Variants in KIF6 observed in about 807,000 individuals in gnomAD.
KIF6 encodes the protein kinesin family member 6.
KIF6 carries 106 observed loss-of-function variants against 112.7 expected under a neutral mutation model. The observed-to-expected ratio is 0.94, with a 90% CI of 0.80 to 1.11. The LOEUF (loss-of-function observed/expected upper bound fraction) is 1.11. KIF6 is among the 50% of genes least tolerant of loss of function. KIF6 has a pLI of 0.00. For synonymous variants in KIF6, 339 were observed against 339.9 expected (o/e 1.00, Z 0.03); for missense variants, 929 against 964.0 (o/e 0.96, Z 0.48).
intron 3 of KIF6, among the ~76,000 whole-genome samples, chr6:39,675,800 A>G (rs1050137001): frequency 1.3e-5 from 2 of 152,060 alleles, no homozygotes; most frequent in Non-Finnish European, 2.9e-5. Flanking sequence ...ACCAAGTAGA[A>G]CTTCTAAAAA....
At chr6:39,614,570 C>T (rs1250334891) in intron 5 of KIF6, among the ~76,000 whole-genome samples, 1 of 152,130 alleles carries the variant, frequency 6.6e-6, no homozygotes. Context: ...GAAAATGTAG[C>T]TCTACCAGCA....
chr6:39,628,703 T>C (rs1034254327), intron 5 of KIF6, among the ~76,000 whole-genome samples: 51 of 152,288 alleles, frequency 3.3e-4, no homozygotes, highest in African/African-American at 1.1e-3. Context: ...ATAGTTTACA[T>C]CAGGGTTCAT....
At chr6:39,363,057 G>A (rs932408414) in intron 16 of KIF6, among the ~76,000 whole-genome samples, 1 of 152,206 alleles carries the variant, frequency 6.6e-6, no homozygotes, top group African/African-American at 2.4e-5. Context: ...GCTGAGGCAG[G>A]AGAATTGCTT....
At chr6:39,520,983 A>G (rs1253934719) in intron 13 of KIF6, among the ~76,000 whole-genome samples, 1 of 152,230 alleles carries the variant, frequency 6.6e-6, no homozygotes, top group Non-Finnish European at 1.5e-5. Flanking sequence ...AAACAAAGGC[A>G]GAGTTCATCT....
Position 39,596,225 on chromosome 6 carries a change from G to A in KIF6, c.675C>T (p.Cys225=), listed in dbSNP as rs779765167. 1 of 1,613,994 alleles carries A rather than the reference G, an allele frequency of 6.2e-7. No individual in the cohort carries two copies. The highest frequency in any genetic ancestry group is 8.5e-7 in the Non-Finnish European group (1 of 1,179,928). The change falls in exon 7 of 23, where the codon TGC becomes TGT. Residue 225 remains cysteine, a synonymous_variant. Transcript: ENST00000287152. ...TGCTTGACAAATGAATGGTGAAAAT[G>A]CAGTGGGAACGGGTTGAAGCTTGGT... ...PMNQASTRSH[C]IFTIHLSSKE...
At chr6:39,591,605 C>T (rs887015572) in intron 7 of KIF6, among the ~76,000 whole-genome samples, 1 of 152,052 alleles carries the variant, frequency 6.6e-6, no homozygotes, top group African/African-American at 2.4e-5. Flanking sequence ...AGAAGAGGAC[C>T]GTGAGAAGGT....
intron 4 of KIF6, among the ~76,000 whole-genome samples, chr6:39,638,501 T>C (rs780184662): frequency 1.4e-4 from 21 of 152,092 alleles, no homozygotes; most frequent in Non-Finnish European, 2.9e-4. Flanking sequence ...CCAACATATA[T>C]GCTATACTCA....
At chr6:39,414,984 C>G (rs1327456623) in intron 15 of KIF6, among the ~76,000 whole-genome samples, 1 of 151,890 alleles carries the variant, frequency 6.6e-6, no homozygotes, top group Non-Finnish European at 1.5e-5. Flanking sequence ...GTCAGGAGTT[C>G]AAGATCAGCC....
In KIF6 at chr6:39,639,236, C is replaced by T. The variant is rs546370305; in HGVS notation, c.399+374G>A. ...CAAGTGTAAAATAGTAACAATTATA[C>T]TATCCTGTTTAGTGTTTCAGTAGCT... On this transcript the variant is annotated intron_variant, in intron 4 of 22. Coordinates refer to ENST00000287152, the MANE Select transcript of KIF6 (RefSeq NM_145027.6). 1.3e-3 allele frequency among the ~76,000 whole-genome samples: 193 copies of T among 152,132 alleles called. 1 individual carries two copies. Among genetic ancestry groups the T allele is most frequent in the South Asian group, 0.011 (54 of 4,832 alleles).
At chr6:39,572,639 C>T (rs1377311656) in intron 10 of KIF6, among the ~76,000 whole-genome samples, 5 of 148,914 alleles carry the variant, frequency 3.4e-5, no homozygotes, top group African/African-American at 1.2e-4. Flanking sequence ...TGCTTCCAAG[C>T]CTAGCCAAAG....
At chr6:39,605,933 C>T (rs1209864937) in intron 6 of KIF6, among the ~76,000 whole-genome samples, 2 of 152,064 alleles carry the variant, frequency 1.3e-5, no homozygotes, top group Non-Finnish European at 2.9e-5. Context: ...TTTTCATCTG[C>T]AGATTCAAGT....
At chr6:39,538,533 G>T (rs1778584783) in intron 13 of KIF6, among the ~76,000 whole-genome samples, 2 of 152,232 alleles carry the variant, frequency 1.3e-5, no homozygotes, top group Admixed American at 1.3e-4. Context: ...TCTTACAACA[G>T]TTAGAATGGC....
chr6:39,358,109 C>T (rs931901899), intron 18 of KIF6, among the ~76,000 whole-genome samples: 1 of 152,216 alleles, frequency 6.6e-6, no homozygotes, highest in Admixed American at 6.5e-5. Context: ...AGCTGCATGT[C>T]CCCACATAGG....
chr6:39,563,366 A>T (rs1409599086), intron 10 of KIF6, among the ~76,000 whole-genome samples: 1 of 152,194 alleles, frequency 6.6e-6, no homozygotes, highest in Non-Finnish European at 1.5e-5. Flanking sequence ...TATATTTATC[A>T]TCTATGTACA....
chr6:39,607,677 C>T (rs1412720817), intron 6 of KIF6, among the ~76,000 whole-genome samples: 1 of 152,128 alleles, frequency 6.6e-6, no homozygotes, highest in Non-Finnish European at 1.5e-5. Flanking sequence ...CCTCCTGCCT[C>T]AGCCTTCTGA....
intron 8 of KIF6, among the ~76,000 whole-genome samples, chr6:39,585,950 G>A (rs1266337174): frequency 1.3e-5 from 2 of 152,198 alleles, no homozygotes; most frequent in African/African-American, 2.4e-5. Context: ...AGAAGCGGAT[G>A]GGTCAGCTCT....
At chr6:39,364,129 G>T (rs1765382300) in intron 16 of KIF6, among the ~76,000 whole-genome samples, 1 of 149,140 alleles carries the variant, frequency 6.7e-6, no homozygotes, top group Non-Finnish European at 1.5e-5. Context: ...GTCTCGCACT[G>T]TCACCAGGCT....
intron 12 of KIF6, 86 bp downstream of exon 12, chr6:39,544,469 C>T: frequency 1.4e-6 from 2 of 1,398,778 alleles, no homozygotes; most frequent in Non-Finnish European, 1.9e-6. Flanking sequence ...GGGTGGGGAG[C>T]TCAGCCATGT....
intron 2 of KIF6, among the ~76,000 whole-genome samples, chr6:39,720,262 T>A (rs1790132154): frequency 6.6e-6 from 1 of 152,192 alleles, no homozygotes; most frequent in African/African-American, 2.4e-5. Context: ...CTTGTGGCTA[T>A]TATATTGGAC....
Sources: allele counts gnomAD v4.1 joint callset (sites outside exome capture counted in the v4.1 genomes callset), GRCh38; gene constraint gnomAD v4.1.1; transcripts MANE v1.5; gene names NCBI Gene and HGNC (gene_info 2026-07-23, HGNC 2026-07-21).